KCNIP4: variants seen among roughly 807,000 people sequenced by gnomAD.
The protein encoded by KCNIP4 is potassium voltage-gated channel interacting protein 4, also known as Kv channel-interacting protein 4.
Under a neutral mutation model 34.0 loss-of-function variants are expected in KCNIP4, and 12 were observed. The ratio of observed to expected loss-of-function variants is 0.35; its 90% CI spans 0.23 to 0.57. The LOEUF is 0.57. Ranked by LOEUF, KCNIP4 falls within the 20% of genes least tolerant of loss-of-function variation. The pLI, the probability that KCNIP4 is intolerant of heterozygous loss-of-function variation, is 0.83. For synonymous variants in KCNIP4, 124 were observed against 102.2 expected (o/e 1.21, Z -1.29); for missense variants, 238 against 311.7 (o/e 0.76, Z 1.78).
At chr4:21,015,254 C>T (rs560444836) in intron 1 of KCNIP4, among the ~76,000 whole-genome samples, 42 of 150,418 alleles carry the variant, frequency 2.8e-4, no homozygotes, top group African/African-American at 1.0e-3. Context: ...CTGAACTGAA[C>T]ACTTAAAATG....
chr4:20,851,471 G>A (rs1407208735), intron 2 of KCNIP4, among the ~76,000 whole-genome samples: 2 of 152,076 alleles, frequency 1.3e-5, no homozygotes, highest in African/African-American at 4.8e-5. Flanking sequence ...CTTTCCTATT[G>A]TGAATAGTGC....
chr4:21,617,832 T>C (rs1216149216), intron 1 of KCNIP4, among the ~76,000 whole-genome samples: 1 of 152,184 alleles, frequency 6.6e-6, no homozygotes, highest in East Asian at 1.9e-4. Flanking sequence ...CTTCTACTTC[T>C]GATCATTTGT....
At chr4:20,731,284 C>T (rs1472882150) in intron 8 of KCNIP4, 1 of 547,718 alleles carries the variant, frequency 1.8e-6, no homozygotes, top group Non-Finnish European at 2.3e-6. Flanking sequence ...ATGTTGCCCA[C>T]ATTGGACTCA....
intron 1 of KCNIP4, among the ~76,000 whole-genome samples, chr4:21,874,824 T>A (rs1726014808): frequency 6.6e-6 from 1 of 152,202 alleles, no homozygotes; most frequent in Non-Finnish European, 1.5e-5. Context: ...ATATTTCCCA[T>A]CTGATTCCTG....
intron 3 of KCNIP4, among the ~76,000 whole-genome samples, chr4:20,820,897 A>T (rs1054716780): frequency 6.6e-5 from 10 of 152,222 alleles, no homozygotes; most frequent in Non-Finnish European, 5.9e-5. Flanking sequence ...AAGCACAGGC[A>T]GTAAATCTTG....
At chr4:21,730,220 T>C (rs755866430) in intron 1 of KCNIP4, 4 of 152,132 alleles carry the variant, frequency 2.6e-5, no homozygotes, top group Non-Finnish European at 4.4e-5. Flanking sequence ...AGTGATTAAA[T>C]TGGGAAAGGG....
intron 3 of KCNIP4, among the ~76,000 whole-genome samples, chr4:20,830,769 C>T (rs914106230): frequency 6.6e-5 from 10 of 152,144 alleles, no homozygotes; most frequent in Non-Finnish European, 1.3e-4. Context: ...ATCCATCTCC[C>T]AAGTGCTTAT....
intron 1 of KCNIP4, among the ~76,000 whole-genome samples, chr4:21,772,713 G>A (rs775895728): frequency 3.9e-5 from 6 of 152,104 alleles, no homozygotes; most frequent in Non-Finnish European, 8.8e-5. Context: ...TTGTGTAGAG[G>A]TGTTTACATT....
intron 1 of KCNIP4, among the ~76,000 whole-genome samples, chr4:21,719,465 G>A (rs1023879527): frequency 5.9e-5 from 9 of 152,114 alleles, no homozygotes; most frequent in African/African-American, 2.2e-4. Flanking sequence ...TGAATATATG[G>A]TACTTCATCA....
At chr4:21,306,160 A>G (rs545806434) in intron 1 of KCNIP4, among the ~76,000 whole-genome samples, 1 of 152,358 alleles carries the variant, frequency 6.6e-6, no homozygotes, top group South Asian at 2.1e-4. Context: ...GTGTAACACT[A>G]GCCTCAGAGA....
chr4:20,800,695 A>G (rs1360964418), intron 3 of KCNIP4, among the ~76,000 whole-genome samples: 2 of 152,204 alleles, frequency 1.3e-5, no homozygotes, highest in African/African-American at 4.8e-5. Flanking sequence ...AGATTCTGTG[A>G]ACTTGAAGAT....
intron 1 of KCNIP4, among the ~76,000 whole-genome samples, chr4:21,339,358 G>A (rs1161238989): frequency 5.3e-5 from 8 of 152,184 alleles, no homozygotes; most frequent in Non-Finnish European, 1.2e-4. Context: ...AATGACAGGT[G>A]GAATGATACA....
At chr4:20,939,828 T>TC in intron 1 of KCNIP4, among the ~76,000 whole-genome samples, 1 of 152,292 alleles carries the variant, frequency 6.6e-6, no homozygotes, top group East Asian at 1.9e-4. Flanking sequence ...AATTTTAGCT[T>TC]TAAAATATGT....
intron 3 of KCNIP4, among the ~76,000 whole-genome samples, chr4:20,793,915 C>T (rs1400984286): frequency 6.6e-6 from 1 of 151,992 alleles, no homozygotes; most frequent in Non-Finnish European, 1.5e-5. Context: ...CCCACAATTC[C>T]CATGTGTTGT....
intron 1 of KCNIP4, among the ~76,000 whole-genome samples, chr4:21,278,347 C>T (rs1299315839): frequency 1.3e-5 from 2 of 152,056 alleles, no homozygotes; most frequent in Non-Finnish European, 2.9e-5. Context: ...TCCTCTCCCT[C>T]CTCCCACCCT....
chr4:21,233,809 T>C (rs1203853004), intron 1 of KCNIP4, among the ~76,000 whole-genome samples: 3 of 144,576 alleles, frequency 2.1e-5, no homozygotes, highest in Non-Finnish European at 4.5e-5. Flanking sequence ...TAATATAGTA[T>C]ATAATATAAT....
intron 3 of KCNIP4, among the ~76,000 whole-genome samples, chr4:20,846,785 G>A (rs867927069): frequency 1.3e-5 from 2 of 152,070 alleles, no homozygotes; most frequent in South Asian, 4.1e-4. Context: ...TGTGCTAGAA[G>A]CACCTTGTAT....
chr4:21,174,314 G>A (rs114530939), intron 1 of KCNIP4, among the ~76,000 whole-genome samples: 1 of 152,306 alleles, frequency 6.6e-6, no homozygotes, highest in Non-Finnish European at 1.5e-5. Context: ...ACAAGGGTTT[G>A]GTTGTTAGAC....
intron 1 of KCNIP4, among the ~76,000 whole-genome samples, chr4:21,288,491 C>A (rs1204496265): frequency 1.3e-5 from 2 of 152,120 alleles, no homozygotes; most frequent in Non-Finnish European, 2.9e-5. Context: ...AGAATAAGAA[C>A]AAATGCTTAC....
Sources: gnomAD v4.1 joint callset for allele counts (sites outside exome capture counted in the v4.1 genomes callset) on GRCh38, gnomAD v4.1.1 for gene constraint, MANE v1.5 for transcripts, NCBI Gene and HGNC (gene_info 2026-07-23, HGNC 2026-07-21) for gene names.